Variants in NXPH1 observed in about 807,000 individuals in gnomAD.
NXPH1 encodes the protein neurexophilin-1.
Under a neutral mutation model 23.7 loss-of-function variants are expected in NXPH1, and 5 were observed. The ratio of observed to expected loss-of-function variants is 0.21; its 90% CI spans 0.11 to 0.44. The LOEUF (loss-of-function observed/expected upper bound fraction) is 0.44. Among genes scored for constraint, NXPH1 ranks in the 20% least tolerant of loss-of-function variants. The pLI, the probability that NXPH1 is intolerant of heterozygous loss-of-function variation, is 0.99. For synonymous variants in NXPH1, 144 were observed against 122.2 expected, an observed-to-expected ratio of 1.18 and a Z score of -1.18; for missense variants, 324 against 321.6, an observed-to-expected ratio of 1.01 and a Z score of -0.06.
chr7:8,457,208 C>G (rs1247012950), intron 2 of NXPH1, among the ~76,000 whole-genome samples: 1 of 152,164 alleles, frequency 6.6e-6, no homozygotes, highest in Non-Finnish European at 1.5e-5. Context: ...AAGAAATTCT[C>G]TTTACTGTGC....
chr7:8,524,747 G>C (rs933454769), intron 2 of NXPH1, among the ~76,000 whole-genome samples: 3 of 152,136 alleles, frequency 2.0e-5, no homozygotes, highest in Non-Finnish European at 4.4e-5. Context: ...GGGTTTATCA[G>C]GGGTTTCCAC....
intron 2 of NXPH1, among the ~76,000 whole-genome samples, chr7:8,512,424 T>G (rs547778838): frequency 6.6e-6 from 1 of 152,206 alleles, no homozygotes; most frequent in Admixed American, 6.5e-5. Context: ...AGGAAGTGAC[T>G]CTTAATCTTT....
At chr7:8,737,538 G>A (rs1456163132) in intron 2 of NXPH1, among the ~76,000 whole-genome samples, 1 of 152,174 alleles carries the variant, frequency 6.6e-6, no homozygotes, top group African/African-American at 2.4e-5. Flanking sequence ...TGGGTAACCT[G>A]ACCTTTCTCT....
intron 2 of NXPH1, among the ~76,000 whole-genome samples, chr7:8,447,649 AT>A (rs1816428303): frequency 6.6e-6 from 1 of 152,228 alleles, no homozygotes; most frequent in African/African-American, 2.4e-5. Flanking sequence ...CACCTCTTGA[AT>A]AAACATTCTG....
intron 2 of NXPH1, among the ~76,000 whole-genome samples, chr7:8,538,333 G>A (rs1171577507): frequency 2.0e-5 from 3 of 151,820 alleles, no homozygotes; most frequent in African/African-American, 7.3e-5. Context: ...AACAATCAGA[G>A]CTAAACCATC....
intron 2 of NXPH1, among the ~76,000 whole-genome samples, chr7:8,459,168 T>G (rs1436858609): frequency 6.6e-6 from 1 of 152,118 alleles, no homozygotes; most frequent in Admixed American, 6.5e-5. Flanking sequence ...ATTTAATGCT[T>G]ATCTAAGAAT....
In NXPH1 at chr7:8,606,287, A is replaced by G. The variant is rs528772671; in HGVS notation, c.55-144721A>G. 5.9e-5 allele frequency among the ~76,000 whole-genome samples: 9 copies of G among 152,270 alleles called. No individual in the cohort carries two copies. In the East Asian group the frequency reaches 1.7e-3, roughly 29 times the overall value. On this transcript the variant is annotated intron_variant, in intron 2 of 2. Coordinates refer to ENST00000405863, the MANE Select transcript of NXPH1 (RefSeq NM_152745.3). ...AAAACACCTAAGAATAAAAAAAAAT[A>G]TGTTTTATGGAAAACTCTTCTCCTT...
Position 8,435,837 on chromosome 7 carries a change from C to T in NXPH1, c.54+70C>T, listed in dbSNP as rs1369596854. On this transcript the variant is annotated intron_variant, in intron 2 of 2. Transcript: ENST00000405863. The surrounding 1 kb of genome is among the most constrained non-coding windows in gnomAD (Gnocchi z 5.9). The stretch of plus-strand genomic sequence containing the variant: ...GGGAGGCAAGGAAACTGGGGACACG[C>T]GGGAGAAGGGTTACGCCGCCAGTTC... 2 of 1,428,556 alleles carry T rather than the reference C, an allele frequency of 1.4e-6. No individual in the cohort carries two copies. Among genetic ancestry groups the T allele is most frequent in the Non-Finnish European group, 2.0e-6 (2 of 1,011,926 alleles). The allele number at this position is 1,428,556 out of a possible 1,614,324, so 88.5% of individuals were successfully genotyped here.
chr7:8,573,505 G>A (rs1050475166), intron 2 of NXPH1, among the ~76,000 whole-genome samples: 2 of 152,128 alleles, frequency 1.3e-5, no homozygotes, highest in African/African-American at 4.8e-5. Context: ...GTGGGGAAGT[G>A]TAGTATGTAT....
intron 2 of NXPH1, among the ~76,000 whole-genome samples, chr7:8,734,498 A>G (rs969614043): frequency 2.0e-5 from 3 of 152,190 alleles, no homozygotes; most frequent in Admixed American, 6.6e-5. Flanking sequence ...GACTCTTCCT[A>G]TCCATGAGCA....
At chr7:8,514,553 G>A (rs1464427579) in intron 2 of NXPH1, among the ~76,000 whole-genome samples, 1 of 152,106 alleles carries the variant, frequency 6.6e-6, no homozygotes, top group East Asian at 1.9e-4. Flanking sequence ...CAGGATGGTA[G>A]ATAAAACTTC....
In NXPH1 at chr7:8,499,415, C is replaced by A. The variant is rs146271474; in HGVS notation, c.54+63648C>A. ...AAGACCAAGGCTCTGTAATAAGGGC[C>A]CTGATACAAACAGCAGAGATCCCAG... On this transcript the variant is annotated intron_variant, in intron 2 of 2. Coordinates refer to ENST00000405863, the MANE Select transcript of NXPH1 (RefSeq NM_152745.3). Among the ~76,000 whole-genome samples the A allele has an allele frequency of 3.1e-3, 478 of 152,038 alleles. 1 individual carries two copies. Among genetic ancestry groups the A allele is most frequent in the Non-Finnish European group, 4.9e-3 (335 of 67,950 alleles).
chr7:8,634,649 G>C (rs1820188036), intron 2 of NXPH1, among the ~76,000 whole-genome samples: 1 of 141,442 alleles, frequency 7.1e-6, no homozygotes, highest in Non-Finnish European at 1.5e-5. Context: ...CTGCATGGTA[G>C]AGATTGTCCA....
intron 2 of NXPH1, among the ~76,000 whole-genome samples, chr7:8,479,929 G>A (rs1817045110): frequency 6.6e-6 from 1 of 152,054 alleles, no homozygotes; most frequent in Non-Finnish European, 1.5e-5. Context: ...TTGAAAATGG[G>A]TAAATAGAGG....
intron 2 of NXPH1, among the ~76,000 whole-genome samples, chr7:8,557,752 C>T (rs754938275): frequency 3.3e-5 from 5 of 151,692 alleles, no homozygotes; most frequent in African/African-American, 4.8e-5. Flanking sequence ...TCATCTCTCA[C>T]ATCACTCATA....
chr7:8,686,085 T>C (rs914777726), intron 2 of NXPH1, among the ~76,000 whole-genome samples: 2 of 152,068 alleles, frequency 1.3e-5, no homozygotes, highest in African/African-American at 2.4e-5. Context: ...AAATGAAAAA[T>C]GTATTCTTTA....
intron 2 of NXPH1, among the ~76,000 whole-genome samples, chr7:8,455,499 G>A (rs1278536870): frequency 6.6e-6 from 1 of 152,162 alleles, no homozygotes; most frequent in Non-Finnish European, 1.5e-5. Context: ...GAAAGGTAAA[G>A]CTTTATTTCC....
At chr7:8,560,674 A>G in intron 2 of NXPH1, among the ~76,000 whole-genome samples, 1 of 151,684 alleles carries the variant, frequency 6.6e-6, no homozygotes, top group Non-Finnish European at 1.5e-5. Context: ...CCAAGCCATT[A>G]GTTGATCTCT....
chr7:8,716,327 G>A (rs1293614028), intron 2 of NXPH1, among the ~76,000 whole-genome samples: 1 of 152,130 alleles, frequency 6.6e-6, no homozygotes, highest in African/African-American at 2.4e-5. Context: ...TGTATAAAAA[G>A]TTCTAGGAAA....
Sources: allele counts gnomAD v4.1 joint callset (sites outside exome capture counted in the v4.1 genomes callset), GRCh38; gene constraint gnomAD v4.1.1; non-coding constraint Gnocchi (gnomAD v3.1); transcripts MANE v1.5; gene names NCBI Gene and HGNC (gene_info 2026-07-23, HGNC 2026-07-21).